Variants in SYT1 observed in about 807,000 individuals in gnomAD.
The protein encoded by SYT1 is synaptotagmin-1.
Under a neutral mutation model 44.8 loss-of-function variants are expected in SYT1, and 8 were observed. The ratio of observed to expected loss-of-function variants is 0.18; its 90% CI spans 0.10 to 0.32. The LOEUF (loss-of-function observed/expected upper bound fraction) is 0.32, where lower values mean the gene tolerates loss of function less well. Among genes scored for constraint, SYT1 ranks in the 10% least tolerant of loss-of-function variants. SYT1 has a pLI of 1.00. For missense variants in SYT1, 286 were observed against 509.3 expected (o/e 0.56, Z 4.22); for synonymous variants, 154 against 188.8 (o/e 0.82, Z 1.51).
At chr12:79,240,427 A>G (rs1876436384) in intron 4 of SYT1, among the ~76,000 whole-genome samples, 1 of 152,202 alleles carries the variant, frequency 6.6e-6, no homozygotes, top group African/African-American at 2.4e-5. Context: ...CATGGTTATT[A>G]TAGTGGTGAT....
rs187087729 is a variant in SYT1 at position 79,033,042 on chromosome 12, C to T, written c.-83-14255C>T. Among the ~76,000 whole-genome samples, 233 of 151,356 alleles carry T rather than the reference C, an allele frequency of 1.5e-3. 1 individual carries two copies. Among genetic ancestry groups the T allele is most frequent in the Non-Finnish European group, 3.4e-4 (23 of 67,488 alleles). On this transcript the variant is annotated intron_variant, in intron 2 of 10. Transcript: ENST00000261205. ...GAGTTGTACCTCCCAGGAAATTTGC[C>T]TGTTCTAAGGAATTAATCTGATATT...
intron 3 of SYT1, among the ~76,000 whole-genome samples, chr12:79,057,409 C>T (rs554938701): frequency 6.6e-6 from 1 of 151,762 alleles, no homozygotes; most frequent in South Asian, 2.1e-4. Flanking sequence ...ATGACCCCCC[C>T]CAAATGATAT....
intron 3 of SYT1, among the ~76,000 whole-genome samples, chr12:79,122,324 C>T (rs1238041616): frequency 6.6e-6 from 1 of 151,156 alleles, no homozygotes; most frequent in African/African-American, 2.4e-5. Flanking sequence ...ACCATCCTGG[C>T]TAACACGGTG....
intron 3 of SYT1, among the ~76,000 whole-genome samples, chr12:79,185,487 T>C (rs1000010001): frequency 6.6e-6 from 1 of 152,006 alleles, no homozygotes. Context: ...AGATAATAAG[T>C]GGCCACATTA....
At chr12:79,353,974 G>A (rs184255964) in intron 9 of SYT1, among the ~76,000 whole-genome samples, 1 of 152,206 alleles carries the variant, frequency 6.6e-6, no homozygotes, top group East Asian at 1.9e-4. Flanking sequence ...ATTCACCCAC[G>A]ATATAAAAAA....
At chr12:78,938,432 C>A (rs765093198) in intron 1 of SYT1, among the ~76,000 whole-genome samples, 3 of 152,104 alleles carry the variant, frequency 2.0e-5, no homozygotes, top group African/African-American at 7.2e-5. Flanking sequence ...GAATTAGCAG[C>A]GGTTGAGCAG....
chr12:79,218,034 T>G (rs1426341380), intron 4 of SYT1, among the ~76,000 whole-genome samples: 1 of 152,190 alleles, frequency 6.6e-6, no homozygotes, highest in Admixed American at 6.5e-5. Flanking sequence ...ATTATTTCAT[T>G]GCAAAGATTG....
chr12:79,314,168 C>CA (rs34951756), intron 8 of SYT1, among the ~76,000 whole-genome samples: 4,518 of 65,292 alleles, frequency 0.069, 134 homozygotes, highest in South Asian at 0.086. Flanking sequence ...GACTCCGTCT[C>CA]AAAAAAAAAA....
chr12:78,975,889 T>A (rs1868794630), intron 1 of SYT1, among the ~76,000 whole-genome samples: 1 of 152,136 alleles, frequency 6.6e-6, no homozygotes, highest in Non-Finnish European at 1.5e-5. Context: ...TGAAAAAAAT[T>A]CAATTATGAA....
chr12:79,365,080 C>G (rs547541064), intron 9 of SYT1, among the ~76,000 whole-genome samples: 16 of 152,188 alleles, frequency 1.1e-4, no homozygotes, highest in African/African-American at 3.6e-4. Context: ...AAATCAGCCC[C>G]CTCTAATCCT....
chr12:79,245,069 C>T (rs907919721), intron 4 of SYT1, among the ~76,000 whole-genome samples: 2 of 152,076 alleles, frequency 1.3e-5, no homozygotes, highest in Admixed American at 1.3e-4. Flanking sequence ...AATTGCCATA[C>T]CTCTGTGTAG....
chr12:79,099,654 A>T (rs1242758127), intron 3 of SYT1, among the ~76,000 whole-genome samples: 1 of 148,764 alleles, frequency 6.7e-6, no homozygotes, highest in East Asian at 2.0e-4. Context: ...TATCTTTAAA[A>T]GAATGAGTTT....
At chr12:78,881,953 C>A (rs1874480051) in intron 1 of SYT1, among the ~76,000 whole-genome samples, 1 of 143,836 alleles carries the variant, frequency 7.0e-6, no homozygotes, top group Non-Finnish European at 1.5e-5. Flanking sequence ...ATTTTGTCTC[C>A]CATTATATTT....
In SYT1 at chr12:79,365,732, T is replaced by C. The variant is rs570611445; in HGVS notation, c.928+12113T>C. 2.7e-5 allele frequency among the ~76,000 whole-genome samples: 4 copies of C among 148,074 alleles called. No homozygotes were observed. In the South Asian group the frequency reaches 8.5e-4, roughly 32 times the overall value. On this transcript the variant is annotated intron_variant, in intron 9 of 10. Transcript: ENST00000261205. ...CATTTATACAATGTCATTATGCATC[T>C]AAATAAGAAAGGATTTTAAAGTAAG...
chr12:78,953,052 C>T (rs1315905231), intron 1 of SYT1, among the ~76,000 whole-genome samples: 4 of 152,030 alleles, frequency 2.6e-5, no homozygotes, highest in Admixed American at 6.6e-5. Context: ...CCATAGGCTC[C>T]TTGGAAGCAG....
At chr12:79,338,278 T>TC (rs1159098298) in intron 8 of SYT1, among the ~76,000 whole-genome samples, 4 of 148,900 alleles carry the variant, frequency 2.7e-5, no homozygotes, top group Non-Finnish European at 5.9e-5. Context: ...TCTTTTTCCT[T>TC]TTTTTTTTTC....
intron 2 of SYT1, among the ~76,000 whole-genome samples, chr12:79,035,148 A>G (rs1360605323): frequency 1.3e-5 from 2 of 151,662 alleles, no homozygotes; most frequent in African/African-American, 4.8e-5. Context: ...AACTATAAAA[A>G]TCTCACGCCG....
intron 7 of SYT1, 125 bp from the exon 8 acceptor site, chr12:79,299,259 C>G: frequency 8.9e-7 from 1 of 1,120,092 alleles, no homozygotes; most frequent in South Asian, 1.6e-5. Context: ...AAAAAATAAC[C>G]AAAAACAAAA....
intron 4 of SYT1, among the ~76,000 whole-genome samples, chr12:79,249,296 G>C (rs906045519): frequency 6.6e-5 from 10 of 150,802 alleles, no homozygotes; most frequent in Admixed American, 5.9e-4. Context: ...AGTAGAGACG[G>C]GGTTTCACCT....
Sources: gnomAD v4.1 joint callset for allele counts (sites outside exome capture counted in the v4.1 genomes callset) on GRCh38, gnomAD v4.1.1 for gene constraint, MANE v1.5 for transcripts, NCBI Gene and HGNC (gene_info 2026-07-23, HGNC 2026-07-21) for gene names.